The following GPM6A variants were observed in gnomAD, a reference collection of about 807,000 sequenced individuals.
GPM6A encodes the protein glycoprotein M6A, also known as neuronal membrane glycoprotein M6-a.
Under a neutral mutation model 32.1 loss-of-function variants are expected in GPM6A, and 7 were observed. The observed-to-expected ratio is 0.22, with a 90% CI of 0.12 to 0.41. GPM6A has a LOEUF of 0.41. Ranked by LOEUF, GPM6A falls within the 10% of genes least tolerant of loss-of-function variation. The pLI is 1.00. For missense variants in GPM6A, 235 were observed against 347.2 expected, an observed-to-expected ratio of 0.68 and a Z score of 2.57; for synonymous variants, 130 against 123.4, an observed-to-expected ratio of 1.05 and a Z score of -0.35.
At chr4:175,817,466 A>G (rs892160856) in intron 1 of GPM6A, among the ~76,000 whole-genome samples, 1 of 152,230 alleles carries the variant, frequency 6.6e-6, no homozygotes, top group African/African-American at 2.4e-5. Flanking sequence ...CTGAATGACA[A>G]GTGCTACCAA....
intron 1 of GPM6A, among the ~76,000 whole-genome samples, chr4:175,711,843 C>T (rs865831751): frequency 1.3e-5 from 2 of 152,034 alleles, no homozygotes; most frequent in Non-Finnish European, 2.9e-5. Flanking sequence ...TTTTCCTTTT[C>T]GCTCAATGAA....
At chr4:175,780,977 G>C (rs756364080) in intron 1 of GPM6A, among the ~76,000 whole-genome samples, 1 of 152,010 alleles carries the variant, frequency 6.6e-6, no homozygotes, top group Non-Finnish European at 1.5e-5. Flanking sequence ...AGGAATTTAG[G>C]AGCCTTAGAA....
At chr4:175,918,467 A>G (rs1448417327) in intron 1 of GPM6A, among the ~76,000 whole-genome samples, 1 of 152,124 alleles carries the variant, frequency 6.6e-6, no homozygotes, top group African/African-American at 2.4e-5. Context: ...AAAAATTAGT[A>G]TTCATCAAGA....
chr4:175,978,495 C>T (rs1259066298), intron 1 of GPM6A, among the ~76,000 whole-genome samples: 1 of 152,132 alleles, frequency 6.6e-6, no homozygotes, highest in Non-Finnish European at 1.5e-5. Context: ...AAAGATCAGT[C>T]CCTTCCCCTC....
At chr4:175,943,030 A>G (rs891765846) in intron 1 of GPM6A, among the ~76,000 whole-genome samples, 5 of 151,894 alleles carry the variant, frequency 3.3e-5, no homozygotes, top group African/African-American at 1.2e-4. Flanking sequence ...GTGTTTTTCC[A>G]TTTGTTTGTG....
intron 1 of GPM6A, among the ~76,000 whole-genome samples, chr4:175,784,729 G>T (rs530670856): frequency 1.3e-5 from 2 of 151,608 alleles, no homozygotes; most frequent in East Asian, 3.9e-4. Context: ...GTGTGTGTAT[G>T]TGTGTGTGTG....
chr4:175,868,871 C>T (rs1736818241), intron 1 of GPM6A, among the ~76,000 whole-genome samples: 1 of 152,186 alleles, frequency 6.6e-6, no homozygotes, highest in Non-Finnish European at 1.5e-5. Flanking sequence ...TCATTTGTTG[C>T]ATGACTTCAG....
intron 1 of GPM6A, among the ~76,000 whole-genome samples, chr4:175,873,051 T>A (rs1008770912): frequency 6.6e-6 from 1 of 152,158 alleles, no homozygotes; most frequent in African/African-American, 2.4e-5. Flanking sequence ...AATACAATTT[T>A]ATTTTTATTT....
intron 2 of GPM6A, among the ~76,000 whole-genome samples, chr4:175,689,446 GT>G (rs34200402): frequency 0.23 from 33,480 of 147,452 alleles, 4,222 homozygotes; most frequent in Non-Finnish European, 0.29. Context: ...TATTTATAGC[GT>G]TTTTTTTTTT....
intron 1 of GPM6A, among the ~76,000 whole-genome samples, chr4:175,909,024 C>A (rs1315713549): frequency 1.2e-5 from 1 of 83,962 alleles, no homozygotes; most frequent in Non-Finnish European, 2.1e-5. Flanking sequence ...CCACTAGAGG[C>A]AGACAAAAAA....
upstream of GPM6A, among the ~76,000 whole-genome samples, chr4:175,814,288 G>GAAAACAA (rs1322523350): frequency 6.6e-6 from 1 of 152,120 alleles, no homozygotes; most frequent in Non-Finnish European, 1.5e-5. Context: ...ACTTTATGAT[G>GAAAACAA]AAAACAAAAA....
At chr4:175,859,665 C>G (rs1437109085) in intron 1 of GPM6A, among the ~76,000 whole-genome samples, 1 of 152,186 alleles carries the variant, frequency 6.6e-6, no homozygotes, top group Non-Finnish European at 1.5e-5. Flanking sequence ...CCACTCCCCA[C>G]TCACTTGATT....
At chr4:175,662,623 GA>G (rs1002635059) in intron 3 of GPM6A, among the ~76,000 whole-genome samples, 1 of 151,210 alleles carries the variant, frequency 6.6e-6, no homozygotes, top group Non-Finnish European at 1.5e-5. Flanking sequence ...CAAAACCAAA[GA>G]AAAAAACACA....
At chr4:175,724,861 G>A (rs1032780738) in intron 1 of GPM6A, among the ~76,000 whole-genome samples, 4 of 151,818 alleles carry the variant, frequency 2.6e-5, no homozygotes, top group East Asian at 2.0e-4. Flanking sequence ...TAACTGCTCC[G>A]ACCTCACCTT....
chr4:175,881,439 T>A (rs1053128771), intron 1 of GPM6A, among the ~76,000 whole-genome samples: 1 of 152,212 alleles, frequency 6.6e-6, no homozygotes, highest in African/African-American at 2.4e-5. Flanking sequence ...AGTGTAGCAA[T>A]TCCTCAGGGA....
intron 1 of GPM6A, among the ~76,000 whole-genome samples, chr4:175,930,446 TTG>T (rs202044112): frequency 1.1e-4 from 17 of 148,308 alleles, no homozygotes; most frequent in Non-Finnish European, 1.3e-4. Context: ...TTTTTTGTTG[TTG>T]TTTTTTTTAA....
At chr4:175,664,538 A>G (rs73018171) in intron 3 of GPM6A, among the ~76,000 whole-genome samples, 112 of 152,352 alleles carry the variant, frequency 7.4e-4, no homozygotes, top group African/African-American at 2.4e-3. Context: ...TAACTGCAAT[A>G]CTTTCTTCTT....
intron 1 of GPM6A, among the ~76,000 whole-genome samples, chr4:175,841,171 G>A (rs535021844): frequency 1.7e-4 from 26 of 152,172 alleles, no homozygotes; most frequent in African/African-American, 6.0e-4. Context: ...ATTTAGATAA[G>A]CAACATGAGT....
chr4:175,642,905 C>T (rs1741230373), intron 4 of GPM6A, among the ~76,000 whole-genome samples: 2 of 152,136 alleles, frequency 1.3e-5, no homozygotes, highest in African/African-American at 4.8e-5. Context: ...AAAACTTCTG[C>T]TCTTCTCCTT....
Sources: gnomAD v4.1 joint callset for allele counts (sites outside exome capture counted in the v4.1 genomes callset) on GRCh38, gnomAD v4.1.1 for gene constraint, MANE v1.5 for transcripts, NCBI Gene and HGNC (gene_info 2026-07-23, HGNC 2026-07-21) for gene names.